SLC44A2: variants seen among roughly 807,000 people sequenced by gnomAD.
SLC44A2 encodes choline transporter-like protein 2.
A neutral mutation model predicts 90.8 loss-of-function variants in SLC44A2; 57 were observed. The ratio of observed to expected loss-of-function variants is 0.63; its 90% CI spans 0.51 to 0.78. SLC44A2 has a LOEUF of 0.78. Ranked by LOEUF, SLC44A2 falls within the 30% of genes least tolerant of loss-of-function variation. The pLI, the probability that SLC44A2 is intolerant of heterozygous loss-of-function variation, is 0.00. For missense variants in SLC44A2, 794 were observed against 919.7 expected, an observed-to-expected ratio of 0.86 and a Z score of 1.77; for synonymous variants, 355 against 360.7, an observed-to-expected ratio of 0.98 and a Z score of 0.18.
chr19:10,638,424 ATTAT>A, intron 20 of SLC44A2, 109 bp downstream of exon 20: 1 of 1,055,784 alleles, frequency 9.5e-7, no homozygotes, highest in South Asian at 1.3e-5. Flanking sequence ...TGGGGAATTG[ATTAT>A]TTATTCAGAC....
At chr19:10,612,228 G>A (rs1015013844) in intron 1 of SLC44A2, among the ~76,000 whole-genome samples, 1 of 151,246 alleles carries the variant, frequency 6.6e-6, no homozygotes. Flanking sequence ...AAAAATTAGC[G>A]GGGCGTGGTG....
At chr19:10,614,970 C>CAAAAAA (rs74464361) in intron 1 of SLC44A2, among the ~76,000 whole-genome samples, 1 of 62,698 alleles carries the variant, frequency 1.6e-5, no homozygotes. Flanking sequence ...GACTCCGTCT[C>CAAAAAA]AAAAAAAAAA....
In SLC44A2 at chr19:10,631,302, T is replaced by C. The variant is rs1568450149; in HGVS notation, c.358T>C (p.Tyr120His). ...QICVEKCPDR[Y>H]LTYLNARSSR... is the part of the protein sequence containing the mutation. ...CTGCGTGGAAAAATGCCCCGACCGCTACCTCACGTACCTGAATGCTCGCAG... is the reference window on the plus strand; with the variant it reads ...CTGCGTGGAAAAATGCCCCGACCGCCACCTCACGTACCTGAATGCTCGCAG... The change falls in exon 6 of 22, where the codon TAC becomes CAC. Residue 120 changes from tyrosine (Y) to histidine (H), a missense_variant. Tyr to His is a moderately conservative substitution (Grantham distance 83, BLOSUM62 2). This residue lies in a region of SLC44A2 where 738 missense variants were observed against 841.1 expected (regional missense o/e 0.88). Transcript: ENST00000335757. 1.2e-6 allele frequency: 2 copies of C among 1,614,154 alleles called. No individual in the cohort carries two copies. Among genetic ancestry groups the C allele is most frequent in the Non-Finnish European group, 1.7e-6 (2 of 1,180,038 alleles).
At chr19:10,618,958 C>CTTTTTT (rs772955506) in intron 1 of SLC44A2, among the ~76,000 whole-genome samples, 1 of 100,092 alleles carries the variant, frequency 1.0e-5, no homozygotes, top group Non-Finnish European at 2.1e-5. Context: ...GTATACAATT[C>CTTTTTT]TTTTTTTTTT....
In SLC44A2 at chr19:10,612,377, T is replaced by C. The variant is rs538349808; in HGVS notation, c.31+9816T>C. On this transcript the variant is annotated intron_variant, in intron 1 of 21. Coordinates refer to the SLC44A2 transcript ENST00000407327. Reference sequence around the variant, plus strand: ...AAAAAGGAGACCCTGTCTCAAAAAATAAAAAATAAAAAAAGGTTAAATGTT... The same window carrying C: ...AAAAAGGAGACCCTGTCTCAAAAAACAAAAAATAAAAAAAGGTTAAATGTT... Among the ~76,000 whole-genome samples the C allele has an allele frequency of 3.0e-4, 46 of 151,860 alleles. No homozygotes were observed. In the South Asian group the frequency reaches 9.4e-3, roughly 31 times the overall value.
At chr19:10,612,400 G>A (rs904075165) in intron 1 of SLC44A2, among the ~76,000 whole-genome samples, 2 of 152,066 alleles carry the variant, frequency 1.3e-5, no homozygotes, top group African/African-American at 4.8e-5. Flanking sequence ...AAGGTTAAAT[G>A]TTTCTAGAAG....
At chr19:10,617,032 C>T (rs2066860658) in intron 1 of SLC44A2, among the ~76,000 whole-genome samples, 1 of 152,174 alleles carries the variant, frequency 6.6e-6, no homozygotes, top group South Asian at 2.1e-4. Context: ...TGCCATTCTC[C>T]TGGCTCAGCC....
intron 17 of SLC44A2, 23 bp downstream of exon 17, chr19:10,637,770 A>G (rs377298239): frequency 6.2e-6 from 10 of 1,613,510 alleles, no homozygotes; most frequent in Non-Finnish European, 8.5e-6. Flanking sequence ...GGGACCCCCA[A>G]CCAACCCGCC....
In SLC44A2 at chr19:10,627,709, C is replaced by G. The variant is rs769353894; in HGVS notation, c.87-13C>G. ...ACCAAGCCTCCTCCAAACACTGCCC[C>G]TCTGCTCCCCAGGGGCTGCACGGAT... On this transcript the variant is annotated splice_polypyrimidine_tract_variant and intron_variant, in intron 2 of 21. Transcript: ENST00000335757. 1 of 1,612,714 alleles carries G rather than the reference C, an allele frequency of 6.2e-7. No homozygotes were observed. The highest frequency in any genetic ancestry group is 8.5e-7 in the Non-Finnish European group (1 of 1,179,880).
intron 1 of SLC44A2, among the ~76,000 whole-genome samples, chr19:10,606,997 C>T (rs1287677475): frequency 4.0e-5 from 6 of 149,868 alleles, no homozygotes. Flanking sequence ...CTGCAAGCTC[C>T]GCCTCCCGGG....
At chr19:10,619,703 C>T (rs1230368754) in intron 1 of SLC44A2, among the ~76,000 whole-genome samples, 3 of 152,102 alleles carry the variant, frequency 2.0e-5, no homozygotes, top group African/African-American at 7.2e-5. Context: ...CCTGTAATCC[C>T]AGCACTTCCA....
Position 10,635,046 on chromosome 19 carries a change from C to A in SLC44A2, c.1028C>A (p.Ala343Glu), listed in dbSNP as rs371447462. 6.2e-7 allele frequency: 1 copy of A among 1,614,136 alleles called. No homozygotes were observed. Among genetic ancestry groups the A allele is most frequent in the Non-Finnish European group, 8.5e-7 (1 of 1,180,026 alleles). ...LIFLRKRILIAIALIKEASRA... is the reference protein window; with the variant it reads ...LIFLRKRILIEIALIKEASRA... ...TTTCTCCGGAAGAGAATTCTCATCG[C>A]GATTGCACTCATCAAAGAAGCCAGC... is the stretch of plus-strand genomic sequence containing the variant. The change falls in exon 12 of 22, where the codon GCG (alanine) becomes GAG (glutamate). Residue 343 changes from alanine (A) to glutamate (E), a missense_variant. Around this residue, in one of 3 missense-constraint regions of SLC44A2, gnomAD observed 738 missense variants for 841.1 expected, o/e 0.88. Transcript: ENST00000335757.
intron 1 of SLC44A2, among the ~76,000 whole-genome samples, chr19:10,608,991 TC>T (rs1352388138): frequency 1.9e-4 from 26 of 136,780 alleles, no homozygotes; most frequent in African/African-American, 6.5e-4. Context: ...GGAGTCTTGC[TC>T]TGTTGCCCAG....
chr19:10,637,744 C>A lies in SLC44A2; in HGVS notation c.1692C>A (p.Ile564=). 6.2e-7 allele frequency: 1 copy of A among 1,613,814 alleles called. No homozygotes were observed. ...FIKFLNRNAY[I]MIAIYGTNFC... ...AATTCCTTAATAGGAATGCCTACATCATGGTGAGTGGGCCTGGGACCCCCA... is the reference window on the plus strand; with the variant it reads ...AATTCCTTAATAGGAATGCCTACATAATGGTGAGTGGGCCTGGGACCCCCA... Residue 564 remains isoleucine (I), a synonymous_variant, in exon 17 of 22, where the codon ATC becomes ATA. Coordinates refer to ENST00000335757, the MANE Select transcript of SLC44A2 (RefSeq NM_020428.4).
intron 10 of SLC44A2, among the ~76,000 whole-genome samples, chr19:10,632,367 T>C (rs1317499851): frequency 6.6e-6 from 1 of 151,426 alleles, no homozygotes; most frequent in African/African-American, 2.4e-5. Context: ...AGAAACCCCG[T>C]CTCTACTAAA....
Position 10,602,569 on chromosome 19 carries a change from C to A in SLC44A2, c.31+8C>A, listed in dbSNP as rs1429397149. 60 of 1,270,864 alleles carry A rather than the reference C, an allele frequency of 4.7e-5. No individual in the cohort carries two copies. The East Asian group carries it at 1.7e-3, about 36-fold the overall frequency. The allele number at this position is 1,270,864 out of a possible 1,614,324, so 78.7% of individuals were successfully genotyped here. ...GGAAAAACGGAGCCTACGGTAGGAG[C>A]CGCCTCCGGTCAGGGGCCGCCTCTG... On this transcript the variant is annotated splice_region_variant and intron_variant, in intron 1 of 21. Coordinates refer to the SLC44A2 transcript ENST00000407327.
intron 20 of SLC44A2, chr19:10,641,010 C>A (rs994931259): frequency 4.1e-5 from 15 of 365,662 alleles, no homozygotes; most frequent in Non-Finnish European, 7.4e-5. Flanking sequence ...TCGCTTGAAC[C>A]CGGGAGGTGG....
At chr19:10,643,025 A>G in intron 21 of SLC44A2, 1 of 1,523,666 alleles carries the variant, frequency 6.6e-7, no homozygotes, top group Admixed American at 2.0e-5. Context: ...GTAGAGAGTG[A>G]GGGAGACTGG....
intron 1 of SLC44A2, among the ~76,000 whole-genome samples, chr19:10,606,909 CTAT>C (rs1918121580): frequency 6.9e-6 from 1 of 144,998 alleles, no homozygotes; most frequent in Non-Finnish European, 1.5e-5. Flanking sequence ...TTACTTACGG[CTAT>C]TTTTTTTTTT....
Sources: allele counts gnomAD v4.1 joint callset (sites outside exome capture counted in the v4.1 genomes callset), GRCh38; gene constraint gnomAD v4.1.1; regional missense constraint gnomAD v4.1.1; transcripts MANE v1.5; gene names NCBI Gene and HGNC (gene_info 2026-07-23, HGNC 2026-07-21).